The following CSMD1 variants were observed in gnomAD, a reference collection of about 807,000 sequenced individuals.
The protein encoded by CSMD1 is CUB and Sushi multiple domains 1.
Under a neutral mutation model 417.5 loss-of-function variants are expected in CSMD1, and 213 were observed. That is an observed-to-expected ratio of 0.51 (90% CI 0.46 to 0.57). CSMD1 has a LOEUF of 0.57. CSMD1 is among the 20% of genes least tolerant of loss of function. The pLI, the probability that CSMD1 is intolerant of heterozygous loss-of-function variation, is 0.00. For missense variants in CSMD1, 6,923 were observed against 4,529.7 expected (o/e 1.53, Z -15.17); for synonymous variants, 2,862 against 1,736.8 (o/e 1.65, Z -16.11).
chr8:4,936,936 T>G (rs183395976), intron 1 of CSMD1, among the ~76,000 whole-genome samples: 1 of 152,240 alleles, frequency 6.6e-6, no homozygotes, highest in African/African-American at 2.4e-5. Flanking sequence ...TGTTGTCGGC[T>G]CTGGTGGCTC....
intron 48 of CSMD1, among the ~76,000 whole-genome samples, chr8:3,090,116 C>T (rs1585321103): frequency 6.6e-6 from 1 of 151,778 alleles, no homozygotes; most frequent in Non-Finnish European, 1.5e-5. Context: ...AGATCGTGAC[C>T]ATCCTGGCTA....
chr8:3,655,779 A>G (rs1490311781), intron 7 of CSMD1, among the ~76,000 whole-genome samples: 1 of 152,078 alleles, frequency 6.6e-6, no homozygotes, highest in Non-Finnish European at 1.5e-5. Context: ...GAGGCAGGAA[A>G]GGTAGAGTCT....
chr8:3,800,366 G>C (rs1282443582), intron 5 of CSMD1, among the ~76,000 whole-genome samples: 6 of 152,072 alleles, frequency 3.9e-5, no homozygotes, highest in Admixed American at 3.9e-4. Flanking sequence ...AGTGTTTTGA[G>C]AAACAAATGA....
intron 5 of CSMD1, among the ~76,000 whole-genome samples, chr8:3,926,078 AC>A (rs1262496748): frequency 3.1e-5 from 3 of 97,518 alleles, no homozygotes; most frequent in African/African-American, 1.4e-4. Flanking sequence ...ACACACAAAC[AC>A]CATACACACA....
At chr8:3,925,400 T>C (rs1192004604) in intron 5 of CSMD1, among the ~76,000 whole-genome samples, 1 of 152,170 alleles carries the variant, frequency 6.6e-6, no homozygotes, top group African/African-American at 2.4e-5. Context: ...CTTTAAAATA[T>C]AAAAGCATGA....
chr8:4,213,660 A>T (rs886345751), intron 3 of CSMD1, among the ~76,000 whole-genome samples: 7 of 152,216 alleles, frequency 4.6e-5, no homozygotes, highest in Admixed American at 4.6e-4. Context: ...TTGCTCAGCA[A>T]CTGAGATGAA....
At chr8:3,555,826 G>A (rs564699928) in intron 10 of CSMD1, among the ~76,000 whole-genome samples, 14 of 151,962 alleles carry the variant, frequency 9.2e-5, no homozygotes, top group African/African-American at 2.4e-4. Context: ...CAAAATCTTC[G>A]GTGCCAAAAG....
chr8:3,771,228 G>A (rs1040866226), intron 5 of CSMD1, among the ~76,000 whole-genome samples: 1 of 152,116 alleles, frequency 6.6e-6, no homozygotes, highest in Non-Finnish European at 1.5e-5. Flanking sequence ...TTGGGGTTTT[G>A]AAATCGTGTT....
At chr8:4,169,609 T>C (rs945543200) in intron 3 of CSMD1, among the ~76,000 whole-genome samples, 1 of 152,090 alleles carries the variant, frequency 6.6e-6, no homozygotes, top group Non-Finnish European at 1.5e-5. Context: ...TTGTGAAATA[T>C]GAGAAAAAGT....
chr8:3,957,507 CT>C (rs1812036467), intron 5 of CSMD1, among the ~76,000 whole-genome samples: 1 of 152,070 alleles, frequency 6.6e-6, no homozygotes, highest in African/African-American at 2.4e-5. Flanking sequence ...CCGCACTCTT[CT>C]CTATAAAAAA....
At chr8:3,704,103 A>T (rs1261138423) in intron 7 of CSMD1, among the ~76,000 whole-genome samples, 2 of 152,114 alleles carry the variant, frequency 1.3e-5, no homozygotes, top group African/African-American at 4.8e-5. Flanking sequence ...TAGCTCTCTT[A>T]AGTCTTATAA....
chr8:4,045,530 T>C (rs144916221), intron 3 of CSMD1, among the ~76,000 whole-genome samples: 1 of 152,160 alleles, frequency 6.6e-6, no homozygotes, highest in East Asian at 1.9e-4. Flanking sequence ...TGGGGCCCTG[T>C]GGGCAGCAGA....
chr8:3,454,957 T>C (rs940714158), intron 12 of CSMD1, among the ~76,000 whole-genome samples: 6 of 152,324 alleles, frequency 3.9e-5, no homozygotes, highest in South Asian at 2.1e-4. Flanking sequence ...ACCAATCAGA[T>C]GTAGATTTGG....
In CSMD1 at chr8:4,859,807, T is replaced by G. The variant is rs548442617; in HGVS notation, c.85+134525A>C. Reference sequence around the variant, plus strand: ...AGAAATAGGAACACTTTGACACTGTTGGTGGGACTGTAAACTAGTTCAACC... The same window carrying G: ...AGAAATAGGAACACTTTGACACTGTGGGTGGGACTGTAAACTAGTTCAACC... On this transcript the variant is annotated intron_variant, in intron 1 of 69. Transcript: ENST00000635120. Among the ~76,000 whole-genome samples, 6 of 152,224 alleles carry G rather than the reference T, an allele frequency of 3.9e-5. No homozygotes were observed. The East Asian group carries it at 1.2e-3, about 29-fold the overall frequency.
intron 5 of CSMD1, among the ~76,000 whole-genome samples, chr8:3,950,924 T>C (rs570949157): frequency 6.6e-6 from 1 of 152,166 alleles, no homozygotes; most frequent in Non-Finnish European, 1.5e-5. Flanking sequence ...CCAATATTCA[T>C]AATAAGCCCT....
chr8:4,234,216 G>A (rs1334336492), intron 3 of CSMD1, among the ~76,000 whole-genome samples: 2 of 152,188 alleles, frequency 1.3e-5, no homozygotes, highest in Non-Finnish European at 2.9e-5. Context: ...AAAGACATCT[G>A]TAAGCGAAGG....
chr8:4,892,664 TTA>T (rs557312942), intron 1 of CSMD1, among the ~76,000 whole-genome samples: 74 of 152,230 alleles, frequency 4.9e-4, no homozygotes, highest in Admixed American at 1.6e-3. Flanking sequence ...TTCTTCAGAC[TTA>T]TGTTTTCTAT....
At chr8:4,410,554 G>A (rs1297015658) in intron 3 of CSMD1, among the ~76,000 whole-genome samples, 2 of 152,010 alleles carry the variant, frequency 1.3e-5, no homozygotes, top group African/African-American at 4.8e-5. Context: ...TCTCATTTTT[G>A]CTTATTGAAG....
intron 5 of CSMD1, among the ~76,000 whole-genome samples, chr8:3,845,894 T>C (rs563618617): frequency 3.5e-4 from 53 of 152,180 alleles, no homozygotes; most frequent in African/African-American, 1.3e-3. Context: ...CACGTTGTCC[T>C]AGGCCTAAAC....
Sources: allele counts gnomAD v4.1 joint callset (sites outside exome capture counted in the v4.1 genomes callset), GRCh38; gene constraint gnomAD v4.1.1; transcripts MANE v1.5; gene names NCBI Gene and HGNC (gene_info 2026-07-23, HGNC 2026-07-21).